TENM3: variants seen among roughly 807,000 people sequenced by gnomAD.
TENM3 encodes teneurin transmembrane protein 3.
Under a neutral mutation model 255.1 loss-of-function variants are expected in TENM3, and 63 were observed. The observed-to-expected ratio is 0.25, with a 90% CI of 0.20 to 0.30. TENM3 has a LOEUF of 0.30. TENM3 is among the 10% of genes least tolerant of loss of function. TENM3 has a pLI of 1.00. For synonymous variants in TENM3, 1,306 were observed against 1,322.3 expected (o/e 0.99, Z 0.27); for missense variants, 2,929 against 3,461.1 (o/e 0.85, Z 3.86).
At chr4:182,473,479 C>T (rs1182995291) in intron 3 of TENM3, among the ~76,000 whole-genome samples, 1 of 152,254 alleles carries the variant, frequency 6.6e-6, no homozygotes, top group South Asian at 2.1e-4. Flanking sequence ...CGAGACCATG[C>T]TGGCTAACAC....
chr4:182,577,770 C>T (rs1745078008), intron 3 of TENM3, among the ~76,000 whole-genome samples: 1 of 152,048 alleles, frequency 6.6e-6, no homozygotes, highest in East Asian at 1.9e-4. Context: ...ACTTATTTAT[C>T]CAGTATTAAC....
chr4:182,730,920 A>G lies in TENM3; in HGVS notation c.2748A>G (p.Val916=). ...ATGGTGGGGCCTCTCTAACTTTGGT[A>G]TTTGAACGATCCCCATTCCTCACTC... ...VANGGASLTL[V]FERSPFLTQY... is the part of the protein sequence containing the mutation. The change falls in exon 16 of 28, where the codon GTA becomes GTG. Residue 916 remains valine (V), a synonymous_variant. Transcript: ENST00000511685. 6.2e-7 allele frequency: 1 copy of G among 1,613,916 alleles called. No individual in the cohort carries two copies. Among genetic ancestry groups the G allele is most frequent in the Non-Finnish European group, 8.5e-7 (1 of 1,179,860 alleles).
At chr4:182,647,178 AC>A (rs1752829558) in intron 5 of TENM3, among the ~76,000 whole-genome samples, 1 of 152,196 alleles carries the variant, frequency 6.6e-6, no homozygotes, top group Admixed American at 6.5e-5. Context: ...CATCTTAACA[AC>A]AACGATTTTC....
At chr4:182,640,245 C>G (rs1244825701) in intron 5 of TENM3, among the ~76,000 whole-genome samples, 1 of 152,106 alleles carries the variant, frequency 6.6e-6, no homozygotes, top group East Asian at 1.9e-4. Context: ...AAAATACTGA[C>G]TTACAAAATA....
chr4:182,743,260 G>C lies in TENM3; in HGVS notation c.3470G>C (p.Ser1157Thr). 1 of 1,614,022 alleles carries C rather than the reference G, an allele frequency of 6.2e-7. No individual in the cohort carries two copies. The highest frequency in any genetic ancestry group is 8.5e-7 in the Non-Finnish European group (1 of 1,179,888). ...SSIMGNGRRR[S>T]ISCPSCNGQA... is the part of the protein sequence containing the mutation. ...ATCATGGGCAATGGGCGAAGGCGCA[G>C]CATTTCCTGCCCCAGTTGCAATGGT... The change falls in exon 19 of 28, where the codon AGC becomes ACC. Residue 1157 changes from serine (S) to threonine (T), a missense_variant. Transcript: ENST00000511685.
the TENM3 span, among the ~76,000 whole-genome samples, chr4:181,838,147 AAAAAGAAAG>A: frequency 8.1e-5 from 11 of 135,594 alleles, no homozygotes; most frequent in Admixed American, 3.0e-4. Flanking sequence ...TCAAAAAAAA[AAAAAGAAAG>A]AAAGAAAGAA....
intron 1 of TENM3, among the ~76,000 whole-genome samples, chr4:182,318,484 A>ATT (rs1318178779): frequency 2.6e-5 from 4 of 152,188 alleles, no homozygotes; most frequent in Non-Finnish European, 5.9e-5. Flanking sequence ...CCAAGTTTCA[A>ATT]AATATATTTA....
At chr4:182,388,365 T>C (rs558797682) in intron 3 of TENM3, among the ~76,000 whole-genome samples, 29 of 152,330 alleles carry the variant, frequency 1.9e-4, no homozygotes, top group Admixed American at 5.2e-4. Context: ...AATAATAATA[T>C]AATAAACATT....
the TENM3 span, among the ~76,000 whole-genome samples, chr4:181,631,492 A>G: frequency 8.5e-4 from 129 of 151,960 alleles, no homozygotes; most frequent in Non-Finnish European, 1.4e-3. Flanking sequence ...GGGTTTCACC[A>G]TCTTGGCCAG....
At chr4:182,306,535 T>C (rs1457105741) in intron 1 of TENM3, among the ~76,000 whole-genome samples, 1 of 152,200 alleles carries the variant, frequency 6.6e-6, no homozygotes, top group Non-Finnish European at 1.5e-5. Context: ...TAACAAAATG[T>C]TTTAATAGGA....
chr4:182,728,064 G>T (rs997764419), intron 13 of TENM3, among the ~76,000 whole-genome samples: 6 of 151,996 alleles, frequency 3.9e-5, no homozygotes, highest in African/African-American at 1.4e-4. Context: ...GGCCAGGCTG[G>T]TCTCGAACTC....
chr4:182,665,667 G>A (rs1001480312), intron 6 of TENM3, among the ~76,000 whole-genome samples: 3 of 152,026 alleles, frequency 2.0e-5, no homozygotes, highest in Non-Finnish European at 4.4e-5. Flanking sequence ...AGGCTGAGGC[G>A]GGCGGATCAC....
chr4:181,912,868 G>A, the TENM3 span, among the ~76,000 whole-genome samples: 1 of 152,166 alleles, frequency 6.6e-6, no homozygotes, highest in East Asian at 1.9e-4. Context: ...GGAGAAAGGT[G>A]GTACTATTGG....
chr4:182,349,980 G>C, intron 3 of TENM3: 1 of 168,248 alleles, frequency 5.9e-6, no homozygotes, highest in South Asian at 1.3e-4. Flanking sequence ...ATGAGAGCTT[G>C]CCTTGACTGT....
At chr4:181,922,970 A>T in the TENM3 span, among the ~76,000 whole-genome samples, 3 of 151,646 alleles carry the variant, frequency 2.0e-5, no homozygotes, top group East Asian at 3.9e-4. Context: ...ACATCTTTAT[A>T]TCTGCCTTCA....
chr4:181,788,529 A>T, the TENM3 span, among the ~76,000 whole-genome samples: 1 of 151,960 alleles, frequency 6.6e-6, no homozygotes, highest in Non-Finnish European at 1.5e-5. Context: ...CAGGATGGAA[A>T]CCCACACAAT....
chr4:182,378,416 G>C (rs955884874), intron 3 of TENM3, among the ~76,000 whole-genome samples: 3 of 152,194 alleles, frequency 2.0e-5, no homozygotes, highest in Admixed American at 6.5e-5. Flanking sequence ...TCTGTGAGAG[G>C]GGGTATTCAG....
chr4:181,449,239 G>A, the TENM3 span, among the ~76,000 whole-genome samples: 1 of 152,126 alleles, frequency 6.6e-6, no homozygotes, highest in African/African-American at 2.4e-5. Flanking sequence ...TCAAGACGGT[G>A]CAGTTTTTCT....
chr4:182,661,351 T>G (rs905742920), intron 6 of TENM3, among the ~76,000 whole-genome samples: 2 of 151,928 alleles, frequency 1.3e-5, no homozygotes, highest in Non-Finnish European at 2.9e-5. Flanking sequence ...AATTTTACAT[T>G]TTTGATCATC....
Sources: gnomAD v4.1 joint callset for allele counts (sites outside exome capture counted in the v4.1 genomes callset) on GRCh38, gnomAD v4.1.1 for gene constraint, MANE v1.5 for transcripts, NCBI Gene and HGNC (gene_info 2026-07-23, HGNC 2026-07-21) for gene names.